OCA2: variants seen among roughly 807,000 people sequenced by gnomAD.
The protein encoded by OCA2 is P protein.
A neutral mutation model predicts 100.2 loss-of-function variants in OCA2; 77 were observed. The ratio of observed to expected loss-of-function variants is 0.77; its 90% CI spans 0.64 to 0.93. The LOEUF is 0.93. OCA2 is among the 40% of genes least tolerant of loss of function. The probability of loss-of-function intolerance (pLI) is 0.00; values close to 1 mark genes in which losing one functional copy is unlikely to be tolerated. For synonymous variants in OCA2, 432 were observed against 439.2 expected, an observed-to-expected ratio of 0.98 and a Z score of 0.21; for missense variants, 1,062 against 1,089.1, an observed-to-expected ratio of 0.98 and a Z score of 0.35.
At position 27,957,523 on chromosome 15, in the gene OCA2, T is replaced by TCAAAA. The variant is rs2040263782; in HGVS notation, c.1784+64_1784+65insTTTTG. ...ATTAGTATACAGCTAATGTCGCTAT[T>TCAAAA]TTGTAGGCCCATGGAATGTTCTGCT... On this transcript the variant is annotated intron_variant, in intron 16 of 23. Coordinates refer to ENST00000354638, the MANE Select transcript of OCA2 (RefSeq NM_000275.3). This position sits in a 1 kb window ranked among gnomAD's most constrained non-coding sequence, Gnocchi z 4.3. 1 of 1,582,514 alleles carries TCAAAA rather than the reference T, an allele frequency of 6.3e-7. No individual in the cohort carries two copies. The highest frequency in any genetic ancestry group is 1.3e-5 in the African/African-American group (1 of 74,258).
intron 9 of OCA2, among the ~76,000 whole-genome samples, chr15:27,992,252 C>A (rs1243178295): frequency 6.6e-6 from 1 of 152,116 alleles, no homozygotes; most frequent in African/African-American, 2.4e-5. Flanking sequence ...AGGCACCCAC[C>A]ACCACACCTG....
chr15:27,944,980 A>G (rs182618839), intron 18 of OCA2, among the ~76,000 whole-genome samples: 30 of 152,304 alleles, frequency 2.0e-4, no homozygotes, highest in African/African-American at 6.3e-4. Flanking sequence ...CCTCTAGAGA[A>G]GACGACCTAG....
rs2030918745 is a variant in OCA2, at chr15:27,762,457, C to T, written c.2433-6985G>A. 3.9e-5 allele frequency among the ~76,000 whole-genome samples: 6 copies of T among 152,156 alleles called. No individual in the cohort carries two copies. In the South Asian group the frequency reaches 1.2e-3, roughly 32 times the overall value. ...AAATCTCACTCAAAAAAAGTTAACC[C>T]CATCACCAGCATGTACCTAAGAGCA... On this transcript the variant is annotated intron_variant, in intron 23 of 23. Coordinates refer to ENST00000354638, the MANE Select transcript of OCA2 (RefSeq NM_000275.3).
At chr15:28,012,249 C>T (rs1186095981) in intron 9 of OCA2, among the ~76,000 whole-genome samples, 1 of 152,204 alleles carries the variant, frequency 6.6e-6, no homozygotes, top group East Asian at 1.9e-4. Flanking sequence ...TCACTACACA[C>T]CAATAGAAAG....
chr15:27,958,036 C>T (rs558831045), intron 15 of OCA2, among the ~76,000 whole-genome samples: 3 of 152,262 alleles, frequency 2.0e-5, no homozygotes, highest in Admixed American at 6.5e-5. Context: ...GAACATCACA[C>T]ACCAGGGCCT....
rs536116108 is a variant in OCA2, at chr15:27,966,763, C to G, written c.1563G>C (p.Leu521=). The change falls in exon 15 of 24, where the codon CTG becomes CTC. Residue 521 remains leucine (L), a synonymous_variant. Transcript: ENST00000354638. ...GGAGTCTGAGGAGCGGAAAGCAGAC[C>G]AGGAGAACAAGGCAAATCCCAATGA... ...HMFIGICLVL[L]VCFPLLRLLY... 10 of 1,613,704 alleles carry G rather than the reference C, an allele frequency of 6.2e-6. No homozygotes were observed. The highest frequency in any genetic ancestry group is 1.1e-5 in the South Asian group (1 of 91,048).
chr15:27,857,390 G>A (rs1412429126), intron 21 of OCA2, among the ~76,000 whole-genome samples: 1 of 152,144 alleles, frequency 6.6e-6, no homozygotes, highest in African/African-American at 2.4e-5. Flanking sequence ...GATGGTGGTT[G>A]CCAAGGCCTT....
At chr15:27,796,892 G>A (rs2033366221) in intron 23 of OCA2, among the ~76,000 whole-genome samples, 2 of 152,084 alleles carry the variant, frequency 1.3e-5, no homozygotes, top group South Asian at 4.1e-4. Flanking sequence ...ACAAGCCCTG[G>A]GCCCTGGAGC....
chr15:27,946,527 AC>A (rs2039843050), intron 18 of OCA2, among the ~76,000 whole-genome samples: 1 of 152,010 alleles, frequency 6.6e-6, no homozygotes, highest in African/African-American at 2.4e-5. Flanking sequence ...ACGTCACTTT[AC>A]CTTTTTTGTC....
intron 17 of OCA2, among the ~76,000 whole-genome samples, chr15:27,953,091 G>A (rs758672817): frequency 1.3e-5 from 2 of 152,182 alleles, no homozygotes; most frequent in African/African-American, 2.4e-5. Flanking sequence ...GAATGTCAAT[G>A]TCTGTAGCTT....
intron 23 of OCA2, among the ~76,000 whole-genome samples, chr15:27,810,647 A>C (rs1181362665): frequency 6.6e-6 from 1 of 152,228 alleles, no homozygotes; most frequent in Non-Finnish European, 1.5e-5. Context: ...TAGTATCCAG[A>C]ATCCATAGGG....
chr15:27,831,708 T>A (rs540723024), intron 23 of OCA2, among the ~76,000 whole-genome samples: 59 of 152,324 alleles, frequency 3.9e-4, no homozygotes, highest in African/African-American at 1.4e-3. Flanking sequence ...CTGGAAGGAA[T>A]TCCCATGCAG....
the OCA2 span, among the ~76,000 whole-genome samples, chr15:27,721,433 ACTC>A: frequency 2.6e-5 from 4 of 152,278 alleles, no homozygotes; most frequent in South Asian, 6.2e-4. Context: ...ACTACAGAAA[ACTC>A]AGGAGGAAAA....
At chr15:27,780,797 A>G (rs557132979) in intron 23 of OCA2, among the ~76,000 whole-genome samples, 1 of 152,240 alleles carries the variant, frequency 6.6e-6, no homozygotes, top group Non-Finnish European at 1.5e-5. Flanking sequence ...GGGAGAATCA[A>G]GGTTGTAGGA....
intron 2 of OCA2, among the ~76,000 whole-genome samples, chr15:28,061,936 T>C (rs1183092991): frequency 6.6e-6 from 1 of 152,268 alleles, no homozygotes; most frequent in Non-Finnish European, 1.5e-5. Context: ...TTCTGTTGTA[T>C]GGATATGCCA....
At chr15:28,097,740 G>A (rs1159494977) in intron 1 of OCA2, among the ~76,000 whole-genome samples, 1 of 151,984 alleles carries the variant, frequency 6.6e-6, no homozygotes, top group East Asian at 1.9e-4. Flanking sequence ...CTTTCCCAGG[G>A]GCCCACTGAT....
At chr15:28,002,036 C>T (rs113447395) in intron 9 of OCA2, among the ~76,000 whole-genome samples, 2,792 of 152,304 alleles carry the variant, frequency 0.018, 100 homozygotes, top group African/African-American at 0.063. Context: ...ACGGCAAACA[C>T]TGGCTAACAG....
intron 21 of OCA2, among the ~76,000 whole-genome samples, chr15:27,855,960 C>T (rs1241121250): frequency 6.6e-6 from 1 of 152,174 alleles, no homozygotes; most frequent in Non-Finnish European, 1.5e-5. Context: ...CTGAAAACAA[C>T]AGGACTTCAT....
chr15:27,997,041 G>A (rs1265343931), intron 9 of OCA2, among the ~76,000 whole-genome samples: 1 of 142,396 alleles, frequency 7.0e-6, no homozygotes, highest in Admixed American at 7.4e-5. Context: ...GAGAGAGAGA[G>A]AAAGAAGGAA....
Sources: gnomAD v4.1 joint callset for allele counts (sites outside exome capture counted in the v4.1 genomes callset) on GRCh38, gnomAD v4.1.1 for gene constraint, Gnocchi (gnomAD v3.1) non-coding constraint, MANE v1.5 for transcripts, NCBI Gene and HGNC (gene_info 2026-07-23, HGNC 2026-07-21) for gene names.